Variants in ST3GAL4 observed in about 807,000 individuals in gnomAD.
The protein encoded by ST3GAL4 is ST3 beta-galactoside alpha-2,3-sialyltransferase 4, also known as CMP-N-acetylneuraminate-beta-galactosamide-alpha-2,3-sialyltransferase 4.
In ST3GAL4, 24 loss-of-function variants were observed where a neutral mutation model predicts 42.6. That is an observed-to-expected ratio of 0.56 (90% CI 0.41 to 0.79). The LOEUF (loss-of-function observed/expected upper bound fraction) is 0.79, where lower values mean the gene tolerates loss of function less well. Among genes scored for constraint, ST3GAL4 ranks in the 30% least tolerant of loss-of-function variants. The pLI is 0.00. For missense variants in ST3GAL4, 311 were observed against 430.8 expected, an observed-to-expected ratio of 0.72 and a Z score of 2.46; for synonymous variants, 135 against 163.2, an observed-to-expected ratio of 0.83 and a Z score of 1.32.
chr11:126,362,464 G>T (rs1467184898), intron 1 of ST3GAL4, among the ~76,000 whole-genome samples: 1 of 152,166 alleles, frequency 6.6e-6, no homozygotes, highest in African/African-American at 2.4e-5. Flanking sequence ...GCCTCCCAAA[G>T]TGTTGGGATT....
In ST3GAL4 at chr11:126,366,381, G is replaced by A. The variant is rs1409313607; in HGVS notation, c.-61+10539G>A. Among the ~76,000 whole-genome samples the A allele has an allele frequency of 2.6e-5, 4 of 152,162 alleles. No individual in the cohort carries two copies. Among genetic ancestry groups the A allele is most frequent in the African/African-American group, 9.7e-5 (4 of 41,436 alleles). On this transcript the variant is annotated intron_variant, in intron 1 of 10. Transcript: ENST00000444328. The surrounding 1 kb of genome is among the most constrained non-coding windows in gnomAD (Gnocchi z 4.2). ...GGGGCGTGCAGAGAGGAGGAGGACT[G>A]AGAGCTGGGTGTGTGTGTGCGCATG...
chr11:126,412,212 A>G (rs915158435), intron 9 of ST3GAL4, among the ~76,000 whole-genome samples: 17 of 152,134 alleles, frequency 1.1e-4, no homozygotes, highest in African/African-American at 3.9e-4. Flanking sequence ...AAGGCCATGG[A>G]AGTGTGGCTC....
intron 1 of ST3GAL4, among the ~76,000 whole-genome samples, chr11:126,357,880 A>G (rs1952121435): frequency 6.6e-6 from 1 of 152,242 alleles, no homozygotes; most frequent in Admixed American, 6.5e-5. Flanking sequence ...AGAATGGCTC[A>G]AAGGTTTGCA....
intron 4 of ST3GAL4, 101 bp downstream of exon 4, chr11:126,407,124 T>C (rs1225531254): frequency 2.0e-6 from 3 of 1,470,472 alleles, no homozygotes; most frequent in East Asian, 2.3e-5. Context: ...GCTGTGTTGG[T>C]GGACATGGGT....
At chr11:126,403,766 T>G (rs1040230058) in intron 1 of ST3GAL4, among the ~76,000 whole-genome samples, 1 of 152,116 alleles carries the variant, frequency 6.6e-6, no homozygotes. Flanking sequence ...TTCGGAGCAC[T>G]GCAACTCAAA....
Position 126,383,056 on chromosome 11 carries a change from G to T in ST3GAL4, c.-60-23040G>T, listed in dbSNP as rs1168239594. Among the ~76,000 whole-genome samples the T allele has an allele frequency of 6.6e-6, 1 of 152,218 alleles. No individual in the cohort carries two copies. Among genetic ancestry groups the T allele is most frequent in the African/African-American group, 2.4e-5 (1 of 41,442 alleles). The stretch of plus-strand genomic sequence containing the variant: ...GACAGTGAGTGTGTGTTGTGTGGGT[G>T]CCAGGCCAGGGAGTGCCCTCCATGG... On this transcript the variant is annotated intron_variant, in intron 1 of 10. Transcript: ENST00000444328. The surrounding 1 kb of genome is among the most constrained non-coding windows in gnomAD (Gnocchi z 4.5).
At position 126,397,651 on chromosome 11, in the gene ST3GAL4, A is replaced by G. The variant is rs1393947746; in HGVS notation, c.-60-8445A>G. ...GTGCTGCCATTACCACCAAGTAGGTAATTTATAAGGAGCAGAAGTTTATTT... is the reference window on the plus strand; with the variant it reads ...GTGCTGCCATTACCACCAAGTAGGTGATTTATAAGGAGCAGAAGTTTATTT... On this transcript the variant is annotated intron_variant, in intron 1 of 10. Transcript: ENST00000444328. The surrounding 1 kb of genome is among the most constrained non-coding windows in gnomAD (Gnocchi z 5.0). 1.3e-5 allele frequency among the ~76,000 whole-genome samples: 2 copies of G among 152,188 alleles called. No individual in the cohort carries two copies. The highest frequency in any genetic ancestry group is 6.5e-5 in the Admixed American group (1 of 15,268).
intron 4 of ST3GAL4, 35 bp from the exon 5 acceptor site, chr11:126,407,217 G>A (rs878913629): frequency 3.7e-6 from 6 of 1,606,998 alleles, no homozygotes; most frequent in African/African-American, 1.3e-5. Context: ...GATTAATTCT[G>A]TTCTCATCCC....
intron 4 of ST3GAL4, 105 bp from the exon 5 acceptor site, chr11:126,407,147 G>A: frequency 6.7e-7 from 1 of 1,482,304 alleles, no homozygotes; most frequent in Non-Finnish European, 9.4e-7. Flanking sequence ...GGTGAAGCCA[G>A]GGAGGGAAGA....
rs12281560 is a variant in ST3GAL4 at position 126,371,406 on chromosome 11, G to A, written c.-61+15564G>A. Among the ~76,000 whole-genome samples, 1,013 of 151,114 alleles carry A rather than the reference G, an allele frequency of 6.7e-3. 13 individuals are homozygous for A. The highest frequency in any genetic ancestry group is 0.021 in the African/African-American group (862 of 41,156). ...TCTCAAACTCCTGACCTCATGATCC[G>A]CCCACCGTGGCCTCCCAAAGTGCTG... On this transcript the variant is annotated intron_variant, in intron 1 of 10. Coordinates refer to ENST00000444328, the MANE Select transcript of ST3GAL4 (RefSeq NM_001254757.2).
intron 1 of ST3GAL4, among the ~76,000 whole-genome samples, chr11:126,370,411 G>GTA (rs1373172050): frequency 6.6e-6 from 1 of 152,206 alleles, no homozygotes. Context: ...CTACAGTAAA[G>GTA]TATATATTCA....
intron 7 of ST3GAL4, 54 bp from the exon 8 acceptor site, chr11:126,408,253 T>A: frequency 6.2e-7 from 1 of 1,612,804 alleles, no homozygotes; most frequent in Non-Finnish European, 8.5e-7. Context: ...AGCCAGGGAC[T>A]GTAGACAGGC....
chr11:126,407,365 G>C lies in ST3GAL4; in HGVS notation c.280+16G>C. On this transcript the variant is annotated intron_variant, in intron 5 of 10. Transcript: ENST00000444328. ...AAGGGGAGTGGTAAGTTCCTACCCG[G>C]CTCGTGGGAACCATGGGCTCACCCT... 1 of 1,612,116 alleles carries C rather than the reference G, an allele frequency of 6.2e-7. No individual in the cohort carries two copies. The highest frequency in any genetic ancestry group is 1.1e-5 in the South Asian group (1 of 91,058).
chr11:126,408,047 G>A (rs369695251), intron 6 of ST3GAL4, 52 bp from the exon 7 acceptor site: 50 of 1,584,996 alleles, frequency 3.2e-5, no homozygotes, highest in African/African-American at 2.1e-4. Flanking sequence ...CCAGGGCAGC[G>A]AGCCTGGGTT....
chr11:126,402,098 G>GGGGGGA (rs58653869), intron 1 of ST3GAL4, among the ~76,000 whole-genome samples: 1 of 146,744 alleles, frequency 6.8e-6, no homozygotes, highest in Admixed American at 6.8e-5. Context: ...GGAAAGAGGG[G>GGGGGGA]AGGTAGGAGA....
rs564126839 is a variant in ST3GAL4, at chr11:126,396,955, T to G, written c.-60-9141T>G. On this transcript the variant is annotated intron_variant, in intron 1 of 10. Transcript: ENST00000444328. The surrounding 1 kb of genome is among the most constrained non-coding windows in gnomAD (Gnocchi z 5.8). ...CATTTGGAAATGTCTGGAAACACTT[T>G]GTCACACCTGAGAAGAGGGATTTCC... 3.3e-5 allele frequency among the ~76,000 whole-genome samples: 5 copies of G among 152,090 alleles called. No homozygotes were observed. The highest frequency in any genetic ancestry group is 1.2e-4 in the African/African-American group (5 of 41,368).
chr11:126,413,373 G>A, intron 9 of ST3GAL4, 132 bp from the exon 10 acceptor site: 2 of 1,140,538 alleles, frequency 1.8e-6, no homozygotes, highest in South Asian at 1.7e-5. Flanking sequence ...GTTAGCTCGT[G>A]GCTTGTCTTG....
Position 126,406,051 on chromosome 11 carries a change from A to C in ST3GAL4, c.-60-45A>C. On this transcript the variant is annotated intron_variant, in intron 1 of 10. Transcript: ENST00000444328. The surrounding 1 kb of genome is among the most constrained non-coding windows in gnomAD (Gnocchi z 5.4). ...TGTCCTGCTCCAGTGTCTAGGCAGG[A>C]GAGTTTGTGAAGCTGACCGGACACC... 1 of 1,548,962 alleles carries C rather than the reference A, an allele frequency of 6.5e-7. No individual in the cohort carries two copies. The highest frequency in any genetic ancestry group is 8.7e-7 in the Non-Finnish European group (1 of 1,145,198).
At position 126,361,572 on chromosome 11, in the gene ST3GAL4, C is replaced by T. The variant is rs148975536; in HGVS notation, c.-61+5730C>T. ...TGAAGCCCCAGTCCTGGGAAGCCTC[C>T]GTGGCCACCCAGCACCGGCACTTCC... On this transcript the variant is annotated intron_variant, in intron 1 of 10. Coordinates refer to ENST00000444328, the MANE Select transcript of ST3GAL4 (RefSeq NM_001254757.2). 1.8e-4 allele frequency among the ~76,000 whole-genome samples: 28 copies of T among 152,174 alleles called. No homozygotes were observed. In the East Asian group the frequency reaches 1.9e-3, roughly 11 times the overall value.
Sources: allele counts gnomAD v4.1 joint callset (sites outside exome capture counted in the v4.1 genomes callset), GRCh38; gene constraint gnomAD v4.1.1; non-coding constraint Gnocchi (gnomAD v3.1); transcripts MANE v1.5; gene names NCBI Gene and HGNC (gene_info 2026-07-23, HGNC 2026-07-21).